The following NRIP2 variants were observed in gnomAD, a reference collection of about 807,000 sequenced individuals.
NRIP2 encodes nuclear receptor-interacting protein 2.
Under a neutral mutation model 34.1 loss-of-function variants are expected in NRIP2, and 27 were observed. That is an observed-to-expected ratio of 0.79 (90% CI 0.58 to 1.09). The LOEUF is 1.09. Among genes scored for constraint, NRIP2 ranks in the 50% least tolerant of loss-of-function variants. NRIP2 has a pLI of 0.00. For missense variants in NRIP2, 385 were observed against 352.6 expected, an observed-to-expected ratio of 1.09 and a Z score of -0.74; for synonymous variants, 145 against 146.9, an observed-to-expected ratio of 0.99 and a Z score of 0.09.
chr12:2,827,680 A>G lies in NRIP2; in HGVS notation c.701-3T>C, dbSNP rs773697783. 3.6e-5 allele frequency: 58 copies of G among 1,613,980 alleles called. No individual in the cohort carries two copies. In the East Asian group the frequency reaches 8.7e-4, roughly 24 times the overall value. On this transcript the variant is annotated splice_polypyrimidine_tract_variant and splice_region_variant and intron_variant, in intron 4 of 5. Coordinates refer to ENST00000337508, the MANE Select transcript of NRIP2 (RefSeq NM_031474.3). The surrounding 1 kb of genome is among the most constrained non-coding windows in gnomAD (Gnocchi z 4.0). ...GCAGAATTCAGGACTCTCAGCATCT[A>G]TAGGAACAATTTGAAAACAGAAGAG...
Position 2,827,950 on chromosome 12 carries a change from C to T in NRIP2, c.676G>A (p.Val226Met). ...QLELQLGQET[V>M]VCSAQVVDAE... Reference sequence around the variant, plus strand: ...CCCACCACCTGTGCCGAGCACACCACAGTCTCCTGCCCCAGCTGTAGCTCC... The same window carrying T: ...CCCACCACCTGTGCCGAGCACACCATAGTCTCCTGCCCCAGCTGTAGCTCC... The change falls in exon 4 of 6, where the codon GTG becomes ATG. Residue 226 changes from valine to methionine, a missense_variant. Transcript: ENST00000337508. The surrounding 1 kb of genome is among the most constrained non-coding windows in gnomAD (Gnocchi z 4.0). 1 of 1,614,216 alleles carries T rather than the reference C, an allele frequency of 6.2e-7. No homozygotes were observed. Among genetic ancestry groups the T allele is most frequent in the Non-Finnish European group, 8.5e-7 (1 of 1,180,048 alleles).
chr12:2,833,198 AC>A (rs2098012104), intron 1 of NRIP2, among the ~76,000 whole-genome samples: 1 of 151,822 alleles, frequency 6.6e-6, no homozygotes, highest in Non-Finnish European at 1.5e-5. Flanking sequence ...GGGACCTGCC[AC>A]TCCGGGATGG....
intron 1 of NRIP2, among the ~76,000 whole-genome samples, chr12:2,832,790 C>T (rs540115072): frequency 2.0e-5 from 3 of 149,772 alleles, no homozygotes; most frequent in African/African-American, 7.4e-5. Flanking sequence ...TGACTCTTCC[C>T]CCAGGCTCTA....
intron 1 of NRIP2, among the ~76,000 whole-genome samples, chr12:2,834,440 T>C (rs1434054318): frequency 2.0e-5 from 3 of 152,042 alleles, no homozygotes; most frequent in African/African-American, 7.2e-5. Flanking sequence ...AATGAGAGAA[T>C]AGGAACCCTC....
Position 2,834,970 on chromosome 12 carries a change from AAAAT to A in NRIP2, c.10_13del (p.Ile4PhefsTer31). 1.3e-6 allele frequency: 2 copies of A among 1,583,330 alleles called. No individual in the cohort carries two copies. Among genetic ancestry groups the A allele is most frequent in the South Asian group, 1.1e-5 (1 of 87,606 alleles). On this transcript the variant is annotated frameshift_variant, in exon 1 of 6. Transcript: ENST00000337508. LOFTEE classifies it high-confidence loss of function. The stretch of plus-strand genomic sequence containing the variant: ...GGGTCTCCACGGGAGGGAAAGAGGA[AAAAT>A]AAATAACATGCAGGAGCAGCCGCGT...
chr12:2,830,962 C>A, intron 1 of NRIP2, 102 bp from the exon 2 acceptor site: 1 of 1,292,606 alleles, frequency 7.7e-7, no homozygotes, highest in South Asian at 1.4e-5. Flanking sequence ...CCCCCACCCC[C>A]CCAGCCCTGA....
At chr12:2,834,530 G>A (rs2098018602) in intron 1 of NRIP2, 112 bp downstream of exon 1, 2 of 1,427,740 alleles carry the variant, frequency 1.4e-6, no homozygotes, top group Non-Finnish European at 1.9e-6. Flanking sequence ...CAGCAAGGGA[G>A]CGGGACCTGA....
chr12:2,828,384 C>T lies in NRIP2; in HGVS notation c.526G>A (p.Asp176Asn). Reference sequence around the variant, plus strand: ...ATCCGATTGTATTGGGTGCCTGTGTCAACGGCCACTCTAAGCAGCTGGTCC... The same window carrying T: ...ATCCGATTGTATTGGGTGCCTGTGTTAACGGCCACTCTAAGCAGCTGGTCC... ...CQDQLLRVAV[D>N]TGTQYNRISA... is the part of the protein sequence containing the mutation. The change falls in exon 3 of 6, where the codon GAC becomes AAC. Residue 176 changes from aspartate to asparagine, a missense_variant. Coordinates refer to ENST00000337508, the MANE Select transcript of NRIP2 (RefSeq NM_031474.3). 1 of 1,614,162 alleles carries T rather than the reference C, an allele frequency of 6.2e-7. No individual in the cohort carries two copies. Among genetic ancestry groups the T allele is most frequent in the Non-Finnish European group, 8.5e-7 (1 of 1,180,030 alleles).
Position 2,827,779 on chromosome 12 carries a change from T to C in NRIP2, c.701-102A>G. 6.2e-7 allele frequency: 1 copy of C among 1,606,762 alleles called. No homozygotes were observed. The highest frequency in any genetic ancestry group is 8.5e-7 in the Non-Finnish European group (1 of 1,176,972). On this transcript the variant is annotated intron_variant, in intron 4 of 5. Transcript: ENST00000337508. This position sits in a 1 kb window ranked among gnomAD's most constrained non-coding sequence, Gnocchi z 4.0. The stretch of plus-strand genomic sequence containing the variant: ...CTTCTCTGCCCACCCCATCCCCAGA[T>C]CCGAGGACACTGGCACAGAGATGGG...
chr12:2,828,097 C>T lies in NRIP2; in HGVS notation c.579-50G>A, dbSNP rs780682175. The T allele has an allele frequency of 4.6e-6, 7 of 1,524,214 alleles. No homozygotes were observed. The Admixed American group carries it at 5.4e-5, about 12-fold the overall frequency. The allele number at this position is 1,524,214 out of a possible 1,614,324, so 94.4% of individuals were successfully genotyped here. A position where few individuals can be genotyped will look rare whatever the true frequency, so the allele number is the denominator to read the frequency against. ...GGCTACCACAGCCCCTAGAGGGTTC[C>T]ACCCCATTAATCAGCAGGTGTCCCT... is the stretch of plus-strand genomic sequence containing the variant. On this transcript the variant is annotated intron_variant, in intron 3 of 5. Coordinates refer to ENST00000337508, the MANE Select transcript of NRIP2 (RefSeq NM_031474.3).
chr12:2,831,444 T>G (rs2098002388), intron 1 of NRIP2, among the ~76,000 whole-genome samples: 1 of 151,958 alleles, frequency 6.6e-6, no homozygotes, highest in South Asian at 2.1e-4. Flanking sequence ...ATTAGCTAGA[T>G]GTATTGGCAT....
Position 2,827,928 on chromosome 12 carries a change from A to G in NRIP2, c.698T>C (p.Val233Ala). 2 of 1,614,056 alleles carry G rather than the reference A, an allele frequency of 1.2e-6. No individual in the cohort carries two copies. Among genetic ancestry groups the G allele is most frequent in the Non-Finnish European group, 1.7e-6 (2 of 1,180,020 alleles). The change falls in exon 4 of 6, where the codon GTG becomes GCG. Residue 233 changes from valine (V) to alanine (A), a missense_variant and splice_region_variant. Transcript: ENST00000337508. This position sits in a 1 kb window ranked among gnomAD's most constrained non-coding sequence, Gnocchi z 4.0. ...CTGTTGCAGAAGGGGGGACTTACCC[A>G]CCACCTGTGCCGAGCACACCACAGT... Reference protein sequence around the residue: ...QETVVCSAQVVDAESPEFCLG... With the variant: ...QETVVCSAQVADAESPEFCLG...
In NRIP2 at chr12:2,827,208, C is replaced by G; in HGVS notation, c.845G>C (p.Ter282SerextTer42). The change falls in exon 6 of 6, where the codon TGA (stop) becomes TCA (serine). Residue 282 changes from the stop codon to serine, a stop_lost. Coordinates refer to ENST00000337508, the MANE Select transcript of NRIP2 (RefSeq NM_031474.3). The surrounding 1 kb of genome is among the most constrained non-coding windows in gnomAD (Gnocchi z 4.0). ...TCTGGGGACTGACTGAGACAGCAGT[C>G]ACTGGCCAGGCTCTTGGTACAAAGG... The part of the protein sequence containing the change: ...FLPLYQEPGQ[*>S] 1 of 1,614,142 alleles carries G rather than the reference C, an allele frequency of 6.2e-7. No homozygotes were observed. The highest frequency in any genetic ancestry group is 8.5e-7 in the Non-Finnish European group (1 of 1,180,026).
rs2098020195 is a variant in NRIP2 at position 2,834,782 on chromosome 12, C to T, written c.202G>A (p.Gly68Arg). The stretch of plus-strand genomic sequence containing the variant: ...CGGTCTCGAAGCTGTGCCTCCTGCC[C>T]CCTCGTCCTGGCTTCTCCCTCATCT... ...RRDEGEARTRGQEAQLRDRAH... is the reference protein window; with the variant it reads ...RRDEGEARTRRQEAQLRDRAH... The change falls in exon 1 of 6, where the codon GGG becomes AGG. Residue 68 changes from glycine to arginine, a missense_variant. By Grantham distance (125) the Gly-to-Arg change is moderately radical. Transcript: ENST00000337508. The T allele has an allele frequency of 1.9e-6, 3 of 1,613,772 alleles. No individual in the cohort carries two copies. The highest frequency in any genetic ancestry group is 2.2e-5 in the South Asian group (2 of 91,048).
rs1397437012 is a variant in NRIP2, at chr12:2,832,350, GT to G, written c.343-1491del. Among the ~76,000 whole-genome samples, 4 of 152,018 alleles carry G rather than the reference GT, an allele frequency of 2.6e-5. No homozygotes were observed. In the East Asian group the frequency reaches 7.8e-4, roughly 30 times the overall value. Reference sequence around the variant, plus strand: ...GCCGTGCCTCCTTCCCTGCCACTCTGTTTATGGGCCCCAGAAGCACCGCTCA... The same window carrying G: ...GCCGTGCCTCCTTCCCTGCCACTCTGTTATGGGCCCCAGAAGCACCGCTCA... On this transcript the variant is annotated intron_variant, in intron 1 of 5. Coordinates refer to ENST00000337508, the MANE Select transcript of NRIP2 (RefSeq NM_031474.3).
At chr12:2,829,554 G>A (rs1184957057) in intron 2 of NRIP2, among the ~76,000 whole-genome samples, 6 of 151,564 alleles carry the variant, frequency 4.0e-5, no homozygotes, top group African/African-American at 1.2e-4. Context: ...TGGAAGGATC[G>A]CTTGAGGCCA....
Position 2,827,031 on chromosome 12 carries a change from T to G in NRIP2, c.*176A>C. ...TCGTCCTGGGGAGTAGGACAGCTGC[T>G]GAGAAGCAGAGAGGAATGCGGCCAG... On this transcript the variant is annotated 3_prime_UTR_variant, in exon 6 of 6. Transcript: ENST00000337508. This position sits in a 1 kb window ranked among gnomAD's most constrained non-coding sequence, Gnocchi z 4.0. 3 of 1,444,532 alleles carry G rather than the reference T, an allele frequency of 2.1e-6. No individual in the cohort carries two copies. In the South Asian group the frequency reaches 4.4e-5, roughly 21 times the overall value. The allele number at this position is 1,444,532 out of a possible 1,614,324, so 89.5% of individuals were successfully genotyped here.
intron 1 of NRIP2, among the ~76,000 whole-genome samples, chr12:2,832,184 T>G (rs1205691195): frequency 6.6e-6 from 1 of 152,140 alleles, no homozygotes; most frequent in African/African-American, 2.4e-5. Flanking sequence ...CAGGTTAAAG[T>G]TTGAGAAGCA....
chr12:2,827,030 C>T lies in NRIP2; in HGVS notation c.*177G>A. On this transcript the variant is annotated 3_prime_UTR_variant, in exon 6 of 6. Coordinates refer to ENST00000337508, the MANE Select transcript of NRIP2 (RefSeq NM_031474.3). This position sits in a 1 kb window ranked among gnomAD's most constrained non-coding sequence, Gnocchi z 4.0. ...CTCGTCCTGGGGAGTAGGACAGCTGCTGAGAAGCAGAGAGGAATGCGGCCA... is the reference window on the plus strand; with the variant it reads ...CTCGTCCTGGGGAGTAGGACAGCTGTTGAGAAGCAGAGAGGAATGCGGCCA... 5 of 1,442,210 alleles carry T rather than the reference C, an allele frequency of 3.5e-6. No individual in the cohort carries two copies. The highest frequency in any genetic ancestry group is 4.5e-6 in the Non-Finnish European group (5 of 1,105,714). 89.3% of individuals were successfully genotyped at this position (1,442,210 alleles called of 1,614,324 possible).
Sources: allele counts gnomAD v4.1 joint callset (sites outside exome capture counted in the v4.1 genomes callset), GRCh38; gene constraint gnomAD v4.1.1; non-coding constraint Gnocchi (gnomAD v3.1); transcripts MANE v1.5; gene names NCBI Gene and HGNC (gene_info 2026-07-23, HGNC 2026-07-21).